Variants in AKAIN1 observed in about 807,000 individuals in gnomAD.
The protein encoded by AKAIN1 is A-kinase anchor protein inhibitor 1.
AKAIN1 carries 3 observed loss-of-function variants against 3.7 expected under a neutral mutation model. The ratio of observed to expected loss-of-function variants is 0.82; its 90% CI spans 0.37 to 2.12. The LOEUF is 2.12. AKAIN1 is among the 30% of genes most tolerant of loss of function. The pLI is 0.06. For synonymous variants in AKAIN1, 31 were observed against 30.8 expected (o/e 1.01, Z -0.02); for missense variants, 82 against 82.7 (o/e 0.99, Z 0.03).
intron 1 of AKAIN1, among the ~76,000 whole-genome samples, chr18:5,174,583 A>G (rs1431443334): frequency 6.6e-6 from 1 of 152,144 alleles, no homozygotes; most frequent in African/African-American, 2.4e-5. Context: ...CCTACTAAAA[A>G]TACAAAAATT....
At chr18:5,190,008 T>C (rs1010626504) in intron 1 of AKAIN1, among the ~76,000 whole-genome samples, 3 of 152,218 alleles carry the variant, frequency 2.0e-5, no homozygotes, top group African/African-American at 7.2e-5. Context: ...AGAAATTTAT[T>C]TGGCTCACGA....
At chr18:5,149,985 C>A (rs1330608425) in intron 1 of AKAIN1, among the ~76,000 whole-genome samples, 1 of 152,156 alleles carries the variant, frequency 6.6e-6, no homozygotes, top group Non-Finnish European at 1.5e-5. Context: ...AGCCTCCAGG[C>A]CACTTCTTAA....
At chr18:5,196,918 A>G (rs1242510741) in intron 1 of AKAIN1, 120 bp downstream of exon 1, 9 of 922,206 alleles carry the variant, frequency 9.8e-6, no homozygotes, top group Non-Finnish European at 1.5e-5. Context: ...ATGAGCACAG[A>G]CAGTAACTCC....
intron 1 of AKAIN1, among the ~76,000 whole-genome samples, chr18:5,168,193 A>G (rs1462395711): frequency 6.6e-6 from 1 of 152,162 alleles, no homozygotes; most frequent in Non-Finnish European, 1.5e-5. Context: ...GTAGTCTCCA[A>G]GCAGCACTGG....
rs144416542 is a variant in AKAIN1 at position 5,175,021 on chromosome 18, G to A, written c.16+22017C>T. 3.1e-4 allele frequency among the ~76,000 whole-genome samples: 47 copies of A among 152,254 alleles called. No homozygotes were observed. In the East Asian group the frequency reaches 6.8e-3, roughly 22 times the overall value. On this transcript the variant is annotated intron_variant, in intron 1 of 1. Transcript: ENST00000434239. ...TCAGGGGTAGGTAGCCAGTGTAGCCGCACAGGGTCTCACACTCAGAGGCAC... is the reference window on the plus strand; with the variant it reads ...TCAGGGGTAGGTAGCCAGTGTAGCCACACAGGGTCTCACACTCAGAGGCAC...
intron 1 of AKAIN1, among the ~76,000 whole-genome samples, chr18:5,192,183 T>C (rs1362402567): frequency 6.6e-6 from 1 of 152,152 alleles, no homozygotes; most frequent in Non-Finnish European, 1.5e-5. Flanking sequence ...ACATATAGAT[T>C]AATTCAACAG....
chr18:5,178,128 A>G (rs1053228317), intron 1 of AKAIN1, among the ~76,000 whole-genome samples: 56 of 152,080 alleles, frequency 3.7e-4, no homozygotes, highest in African/African-American at 1.4e-3. Context: ...GTTTTGGAGG[A>G]CTGTACATCA....
intron 1 of AKAIN1, among the ~76,000 whole-genome samples, chr18:5,178,103 T>A (rs769752341): frequency 4.6e-5 from 7 of 152,138 alleles, no homozygotes; most frequent in Non-Finnish European, 1.0e-4. Flanking sequence ...TGCATGCTCC[T>A]GCTTTCTGCC....
intron 1 of AKAIN1, among the ~76,000 whole-genome samples, chr18:5,181,556 C>T (rs539467106): frequency 3.9e-5 from 6 of 152,138 alleles, no homozygotes; most frequent in Non-Finnish European, 5.9e-5. Context: ...TTCATCTCAT[C>T]TGCCCAGTAA....
intron 1 of AKAIN1, among the ~76,000 whole-genome samples, chr18:5,167,077 A>G (rs928401883): frequency 3.3e-5 from 5 of 152,068 alleles, no homozygotes; most frequent in East Asian, 1.9e-4. Context: ...GTTAAAAACT[A>G]TATGATAATT....
chr18:5,156,329 C>T (rs2071108081), intron 1 of AKAIN1, among the ~76,000 whole-genome samples: 1 of 152,188 alleles, frequency 6.6e-6, no homozygotes, highest in African/African-American at 2.4e-5. Context: ...CACCATTTCT[C>T]TGCCAAAGAA....
At chr18:5,151,918 C>T (rs948440625) in intron 1 of AKAIN1, among the ~76,000 whole-genome samples, 2 of 152,210 alleles carry the variant, frequency 1.3e-5, no homozygotes, top group Admixed American at 6.5e-5. Context: ...ATGACAAACA[C>T]TAGGCTAGGT....
At chr18:5,188,075 T>C (rs1330440127) in intron 1 of AKAIN1, among the ~76,000 whole-genome samples, 5 of 151,996 alleles carry the variant, frequency 3.3e-5, no homozygotes, top group African/African-American at 1.2e-4. Context: ...GAAAACAACA[T>C]TGAATGTTAA....
chr18:5,189,281 T>A (rs2071305166), intron 1 of AKAIN1, among the ~76,000 whole-genome samples: 1 of 152,210 alleles, frequency 6.6e-6, no homozygotes, highest in East Asian at 1.9e-4. Context: ...TCTCCCATTG[T>A]CTTTATGAAT....
intron 1 of AKAIN1, among the ~76,000 whole-genome samples, chr18:5,166,940 G>A (rs1265313984): frequency 2.2e-4 from 34 of 152,014 alleles, no homozygotes. Flanking sequence ...TAGTTGGCTT[G>A]GGTGACAGTG....
rs1033180278 is a variant in AKAIN1, at chr18:5,144,656, C to T, written c.*906G>A. The stretch of plus-strand genomic sequence containing the variant: ...GTAAGGTCCTAATGCAAATGCATAG[C>T]CTAGTGGCAAAACAGCATTCGTTAA... On this transcript the variant is annotated 3_prime_UTR_variant, in exon 2 of 2. Transcript: ENST00000434239. Among the ~76,000 whole-genome samples the T allele has an allele frequency of 2.6e-5, 4 of 152,152 alleles. No homozygotes were observed. Among genetic ancestry groups the T allele is most frequent in the Non-Finnish European group, 5.9e-5 (4 of 68,040 alleles).
chr18:5,156,884 G>A (rs1257714186), intron 1 of AKAIN1, among the ~76,000 whole-genome samples: 1 of 152,132 alleles, frequency 6.6e-6, no homozygotes, highest in Non-Finnish European at 1.5e-5. Flanking sequence ...AGGCTGTAAT[G>A]GGGGTAGGGG....
intron 1 of AKAIN1, among the ~76,000 whole-genome samples, chr18:5,168,041 C>T (rs1454726677): frequency 1.3e-5 from 2 of 152,070 alleles, no homozygotes; most frequent in Admixed American, 6.6e-5. Context: ...ATTTCCTTTC[C>T]CTGTACCCAA....
chr18:5,194,438 A>G (rs1430636390), intron 1 of AKAIN1, among the ~76,000 whole-genome samples: 1 of 151,580 alleles, frequency 6.6e-6, no homozygotes, highest in Non-Finnish European at 1.5e-5. Context: ...AAAAAAATGT[A>G]AGAATATGTT....
Sources: allele counts gnomAD v4.1 joint callset (sites outside exome capture counted in the v4.1 genomes callset), GRCh38; gene constraint gnomAD v4.1.1; transcripts MANE v1.5; gene names NCBI Gene and HGNC (gene_info 2026-07-23, HGNC 2026-07-21).